Variants in CFAP74 observed in about 807,000 individuals in gnomAD.
CFAP74 encodes cilia and flagella associated protein 74.
CFAP74 carries 124 observed loss-of-function variants against 188.9 expected under a neutral mutation model. The ratio of observed to expected loss-of-function variants is 0.66; its 90% CI spans 0.57 to 0.76. The LOEUF (loss-of-function observed/expected upper bound fraction) is 0.76, where lower values mean the gene tolerates loss of function less well. CFAP74 is among the 30% of genes least tolerant of loss of function. The pLI, the probability that CFAP74 is intolerant of heterozygous loss-of-function variation, is 0.00. For synonymous variants in CFAP74, 956 were observed against 916.7 expected (o/e 1.04, Z -0.77); for missense variants, 2,198 against 2,165.2 (o/e 1.02, Z -0.30).
rs755081771 is a variant in CFAP74 at position 1,924,457 on chromosome 1, G to T, written c.4168C>A (p.Arg1390=). 1.3e-6 allele frequency: 2 copies of T among 1,580,148 alleles called. No homozygotes were observed. Among genetic ancestry groups the T allele is most frequent in the African/African-American group, 1.5e-5 (1 of 68,382 alleles). ...GGCAGCTGCTGCTGGCCCCGGCCCC[G>T]GGTGCTGGAGAGGCTGTCCAGGTGC... The part of the protein sequence containing the change: ...SMHLDSLSST[R]GRGQQQLPQF... Residue 1390 remains arginine (R), a synonymous_variant, in exon 34 of 39, where the codon CGG becomes AGG. Transcript: ENST00000682832.
chr1:1,979,502 G>A (rs28629944), intron 6 of CFAP74, among the ~76,000 whole-genome samples: 8,658 of 136,368 alleles, frequency 0.063, 424 homozygotes, highest in African/African-American at 0.23. Flanking sequence ...GGCGTGGGAA[G>A]GCGTCACGTG....
intron 13 of CFAP74, 40 bp downstream of exon 13, chr1:1,964,848 G>T: frequency 6.2e-7 from 1 of 1,610,984 alleles, no homozygotes; most frequent in Non-Finnish European, 8.5e-7. Flanking sequence ...GCTGTCCTGT[G>T]CTGCTGCCCG....
At chr1:1,965,781 C>T (rs1655426397) in intron 12 of CFAP74, among the ~76,000 whole-genome samples, 1 of 152,208 alleles carries the variant, frequency 6.6e-6, no homozygotes, top group Admixed American at 6.5e-5. Context: ...CCGGCATCCC[C>T]AGAACCAGCA....
At chr1:1,932,102 T>C (rs1369560219) in intron 25 of CFAP74, among the ~76,000 whole-genome samples, 1 of 108,976 alleles carries the variant, frequency 9.2e-6, no homozygotes, top group Non-Finnish European at 1.8e-5. Flanking sequence ...AACAAAAAAC[T>C]TAGAAAAATG....
rs1651531173 is a variant in CFAP74, at chr1:1,923,213, C to T, written c.4523-68G>A. On this transcript the variant is annotated intron_variant, in intron 36 of 38. Transcript: ENST00000682832. This position sits in a 1 kb window ranked among gnomAD's most constrained non-coding sequence, Gnocchi z 6.3. ...GGCATGGGGTGAGGCTGCAGCTGGA[C>T]TCCTGAACTCTGGTTAGCAGTGGCT... 2 of 1,519,386 alleles carry T rather than the reference C, an allele frequency of 1.3e-6. No homozygotes were observed. Among genetic ancestry groups the T allele is most frequent in the African/African-American group, 2.8e-5 (2 of 71,754 alleles). 94.1% of individuals were successfully genotyped at this position (1,519,386 alleles called of 1,614,324 possible). A position where few individuals can be genotyped will look rare whatever the true frequency, so the allele number is the denominator to read the frequency against.
intron 6 of CFAP74, among the ~76,000 whole-genome samples, chr1:1,977,116 G>A (rs1422185969): frequency 6.6e-6 from 1 of 152,156 alleles, no homozygotes; most frequent in Non-Finnish European, 1.5e-5. Context: ...CCAAGGTGCT[G>A]GGATTACAGA....
intron 18 of CFAP74, among the ~76,000 whole-genome samples, chr1:1,949,905 T>C (rs996808379): frequency 6.6e-6 from 1 of 152,218 alleles, no homozygotes; most frequent in Non-Finnish European, 1.5e-5. Context: ...CCACGGTTTC[T>C]CTATCCACTC....
chr1:1,947,129 G>T, intron 18 of CFAP74, 75 bp from the exon 19 acceptor site: 1 of 1,075,844 alleles, frequency 9.3e-7, no homozygotes, highest in Non-Finnish European at 1.4e-6. Flanking sequence ...CTTGGGACGT[G>T]GTCACCACCT....
chr1:1,927,886 C>T lies in CFAP74; in HGVS notation c.3388-140G>A, dbSNP rs113906748. 2.5e-4 allele frequency: 235 copies of T among 936,196 alleles called. 1 individual carries two copies. The African/African-American group carries it at 2.9e-3, about 11-fold the overall frequency. 58.0% of individuals were successfully genotyped at this position (936,196 alleles called of 1,614,324 possible). A position where few individuals can be genotyped will look rare whatever the true frequency, so the allele number is the denominator to read the frequency against. ...ATGTGGGGACGCAAAAGCCGACCGG[C>T]GCCCGAGGAAGACAGTAGCCAGTGC... On this transcript the variant is annotated intron_variant, in intron 27 of 38. Transcript: ENST00000682832.
At chr1:1,944,699 C>T (rs1352280749) in intron 20 of CFAP74, among the ~76,000 whole-genome samples, 2 of 152,198 alleles carry the variant, frequency 1.3e-5, no homozygotes, top group Non-Finnish European at 2.9e-5. Flanking sequence ...GTCTGCCTCC[C>T]GCGTTCAAGC....
intron 18 of CFAP74, 137 bp from the exon 19 acceptor site, chr1:1,947,191 T>A: frequency 1.5e-6 from 1 of 683,950 alleles, no homozygotes; most frequent in Non-Finnish European, 2.5e-6. Flanking sequence ...GAGCCATCCG[T>A]GTGGCCCCTT....
At chr1:1,927,871 G>C (rs1362727480) in intron 27 of CFAP74, 125 bp from the exon 28 acceptor site, 1 of 1,121,882 alleles carries the variant, frequency 8.9e-7, no homozygotes, top group East Asian at 2.6e-5. Context: ...ATGTGGGGAC[G>C]CAAAAGCCGA....
intron 12 of CFAP74, among the ~76,000 whole-genome samples, chr1:1,965,948 C>G (rs1655435792): frequency 6.6e-6 from 1 of 152,212 alleles, no homozygotes; most frequent in Non-Finnish European, 1.5e-5. Flanking sequence ...GGCAGAAGGA[C>G]CCCAGCGCCA....
intron 6 of CFAP74, among the ~76,000 whole-genome samples, chr1:1,974,798 A>G (rs111531761): frequency 3.5e-4 from 53 of 152,186 alleles, no homozygotes; most frequent in Non-Finnish European, 6.8e-4. Context: ...AACTCAGGGA[A>G]ATTTCCGGTG....
chr1:1,939,097 C>A (rs1406198258), intron 24 of CFAP74, 109 bp from the exon 25 acceptor site: 13 of 1,177,466 alleles, frequency 1.1e-5, no homozygotes, highest in East Asian at 2.6e-5. Flanking sequence ...CGTGTGTGAG[C>A]GAATGTGAGG....
intron 22 of CFAP74, 54 bp downstream of exon 22, chr1:1,941,974 G>A: frequency 7.0e-7 from 1 of 1,420,192 alleles, no homozygotes; most frequent in Non-Finnish European, 9.2e-7. Flanking sequence ...GAGCGCCTCG[G>A]AGCCCACAAC....
intron 22 of CFAP74, among the ~76,000 whole-genome samples, chr1:1,940,787 T>G (rs577852670): frequency 6.6e-6 from 1 of 152,356 alleles, no homozygotes; most frequent in Non-Finnish European, 1.5e-5. Flanking sequence ...GAGCTTGATC[T>G]CTGATTACAT....
intron 1 of CFAP74, among the ~76,000 whole-genome samples, chr1:2,002,295 TTATA>T (rs1238811577): frequency 6.6e-6 from 1 of 151,862 alleles, no homozygotes; most frequent in African/African-American, 2.4e-5. Flanking sequence ...TACATAAAGT[TTATA>T]TATATTATTA....
At chr1:1,932,827 C>T (rs1392633032) in intron 25 of CFAP74, among the ~76,000 whole-genome samples, 6 of 151,342 alleles carry the variant, frequency 4.0e-5, no homozygotes, top group South Asian at 4.2e-4. Flanking sequence ...CTCCTGACCT[C>T]GTGATCTGCC....
Sources: allele counts gnomAD v4.1 joint callset (sites outside exome capture counted in the v4.1 genomes callset), GRCh38; gene constraint gnomAD v4.1.1; non-coding constraint Gnocchi (gnomAD v3.1); transcripts MANE v1.5; gene names NCBI Gene and HGNC (gene_info 2026-07-23, HGNC 2026-07-21).